Variants in APBA2 observed in about 807,000 individuals in gnomAD.
APBA2 encodes the protein amyloid-beta A4 precursor protein-binding family A member 2.
APBA2 carries 30 observed loss-of-function variants against 75.0 expected under a neutral mutation model. The ratio of observed to expected loss-of-function variants is 0.40; its 90% confidence interval spans 0.30 to 0.54. The LOEUF (loss-of-function observed/expected upper bound fraction) is 0.54. Ranked by LOEUF, APBA2 falls within the 20% of genes least tolerant of loss-of-function variation. APBA2 has a pLI of 0.49. For synonymous variants in APBA2, 444 were observed against 409.6 expected, an observed-to-expected ratio of 1.08 and a Z score of -1.01; for missense variants, 801 against 1,016.1, an observed-to-expected ratio of 0.79 and a Z score of 2.88.
At chr15:29,110,817 A>G (rs2044686999) in intron 13 of APBA2, among the ~76,000 whole-genome samples, 2 of 152,318 alleles carry the variant, frequency 1.3e-5, no homozygotes, top group Admixed American at 1.3e-4. Context: ...GCCCAGGTGC[A>G]GGGTTCTGTG....
chr15:28,978,100 T>A (rs2037436071), intron 2 of APBA2, among the ~76,000 whole-genome samples: 1 of 152,172 alleles, frequency 6.6e-6, no homozygotes, highest in East Asian at 1.9e-4. Context: ...GTGGCTCGGA[T>A]GGATTAGTTT....
chr15:29,116,533 CAGG>C (rs2045163426), intron 14 of APBA2, among the ~76,000 whole-genome samples: 1 of 151,178 alleles, frequency 6.6e-6, no homozygotes, highest in Admixed American at 6.6e-5. Context: ...GAGGCTGAGG[CAGG>C]AGAATGACAT....
chr15:28,943,775 C>G (rs2035375074), intron 2 of APBA2, among the ~76,000 whole-genome samples: 1 of 151,720 alleles, frequency 6.6e-6, no homozygotes, highest in African/African-American at 2.4e-5. Flanking sequence ...TCCTCCAGCC[C>G]TGGCCCCTCC....
chr15:29,106,595 A>T lies in APBA2; in HGVS notation c.1705-12A>T. On this transcript the variant is annotated splice_polypyrimidine_tract_variant and intron_variant, in intron 11 of 14. Transcript: ENST00000683413. ...GCCGCCAGCCCCTCTCACACTGCTG[A>T]TCCCTTTGCAGCTGCAGCTGGAGAA... 1 of 1,613,004 alleles carries T rather than the reference A, an allele frequency of 6.2e-7. No homozygotes were observed.
intron 3 of APBA2, among the ~76,000 whole-genome samples, chr15:29,003,274 A>G (rs7178120): frequency 0.27 from 40,442 of 151,996 alleles, 8,501 homozygotes; most frequent in African/African-American, 0.57. Context: ...TCATGGCATG[A>G]AGGTTGTCTT....
chr15:28,933,225 T>C (rs1193817410), intron 2 of APBA2, among the ~76,000 whole-genome samples: 1 of 151,922 alleles, frequency 6.6e-6, no homozygotes, highest in Non-Finnish European at 1.5e-5. Context: ...CACATGAACT[T>C]TGGGGGGGCA....
intron 2 of APBA2, among the ~76,000 whole-genome samples, chr15:28,940,434 G>T (rs979345549): frequency 2.7e-5 from 4 of 147,636 alleles, no homozygotes; most frequent in African/African-American, 1.0e-4. Flanking sequence ...TACTCCGAAG[G>T]CTGAGACAGG....
chr15:28,999,327 A>G (rs763001358), intron 3 of APBA2, among the ~76,000 whole-genome samples: 2 of 152,216 alleles, frequency 1.3e-5, no homozygotes, highest in Non-Finnish European at 2.9e-5. Context: ...ATAAATATTC[A>G]TGATGAATTT....
chr15:28,908,050 G>C (rs1027779391), intron 1 of APBA2, among the ~76,000 whole-genome samples: 2 of 152,204 alleles, frequency 1.3e-5, no homozygotes, highest in Non-Finnish European at 2.9e-5. Context: ...CCTCTGTGAA[G>C]TACCCCGTGA....
intron 2 of APBA2, among the ~76,000 whole-genome samples, chr15:28,980,751 G>A (rs984510700): frequency 1.3e-5 from 2 of 152,106 alleles, no homozygotes; most frequent in Admixed American, 1.3e-4. Flanking sequence ...TGAGCAAAAA[G>A]AAAAGCCAGA....
At chr15:29,079,699 G>A (rs1408681747) in intron 6 of APBA2, among the ~76,000 whole-genome samples, 1 of 152,168 alleles carries the variant, frequency 6.6e-6, no homozygotes, top group African/African-American at 2.4e-5. Flanking sequence ...GTGTAAGGGA[G>A]GAGCAGCTCC....
chr15:28,971,857 TA>T (rs1331943832), intron 2 of APBA2, among the ~76,000 whole-genome samples: 2 of 152,068 alleles, frequency 1.3e-5, no homozygotes, highest in African/African-American at 4.8e-5. Context: ...TAAATTAATA[TA>T]AACCCAAGCA....
chr15:28,990,752 A>T lies in APBA2; in HGVS notation c.-94-5001A>T, dbSNP rs552076124. ...GAATAAAAAGTGAGGACATGGGGGC[A>T]GAATGTTACTCATCACATGTGGCCC... On this transcript the variant is annotated intron_variant, in intron 2 of 14. Transcript: ENST00000683413. 6 of 152,358 alleles carry T rather than the reference A, an allele frequency of 3.9e-5. No individual in the cohort carries two copies. In the South Asian group the frequency reaches 1.2e-3, roughly 32 times the overall value. The allele number at this position is 152,358 out of a possible 1,614,324, so 9.4% of individuals were successfully genotyped here. A position where few individuals can be genotyped will look rare whatever the true frequency, so the allele number is the denominator to read the frequency against.
chr15:29,074,689 C>G (rs1257288050), intron 4 of APBA2, among the ~76,000 whole-genome samples: 2 of 152,020 alleles, frequency 1.3e-5, no homozygotes, highest in Non-Finnish European at 2.9e-5. Flanking sequence ...TTACTGCAAT[C>G]AAAAGATAAC....
Position 28,990,857 on chromosome 15 carries a change from C to G in APBA2, c.-94-4896C>G, listed in dbSNP as rs189678123. 2.2e-3 allele frequency: 333 copies of G among 152,308 alleles called. 1 individual carries two copies. The highest frequency in any genetic ancestry group is 7.7e-3 in the African/African-American group (322 of 41,566). 9.4% of individuals were successfully genotyped at this position (152,308 alleles called of 1,614,324 possible). A position where few individuals can be genotyped will look rare whatever the true frequency, so the allele number is the denominator to read the frequency against. The stretch of plus-strand genomic sequence containing the variant: ...CATGATAGCAATTTGTACATTATTA[C>G]TAAGTAATTTTAATGCCGTGTTTAC... On this transcript the variant is annotated intron_variant, in intron 2 of 14. Coordinates refer to ENST00000683413, the MANE Select transcript of APBA2 (RefSeq NM_001353788.2).
At chr15:29,009,819 G>A (rs542392479) in intron 3 of APBA2, among the ~76,000 whole-genome samples, 11 of 152,120 alleles carry the variant, frequency 7.2e-5, no homozygotes, top group Non-Finnish European at 1.3e-4. Context: ...TATGTTTGAT[G>A]GACATTTGCA....
intron 3 of APBA2, among the ~76,000 whole-genome samples, chr15:29,047,713 G>A (rs945777173): frequency 8.6e-5 from 13 of 152,030 alleles, no homozygotes; most frequent in Non-Finnish European, 8.8e-5. Context: ...ACCACATGCC[G>A]GAAAGGGGAA....
intron 2 of APBA2, among the ~76,000 whole-genome samples, chr15:28,947,083 C>G (rs1483728964): frequency 6.6e-6 from 1 of 152,206 alleles, no homozygotes; most frequent in East Asian, 1.9e-4. Context: ...GTCATCGTCC[C>G]TCTTTTCCTG....
intron 3 of APBA2, among the ~76,000 whole-genome samples, chr15:29,006,381 G>A (rs529307527): frequency 8.5e-4 from 129 of 152,228 alleles, no homozygotes; most frequent in African/African-American, 2.6e-3. Flanking sequence ...GAAAACTACC[G>A]AACATTGCTG....
Sources: allele counts gnomAD v4.1 joint callset (sites outside exome capture counted in the v4.1 genomes callset), GRCh38; gene constraint gnomAD v4.1.1; transcripts MANE v1.5; gene names NCBI Gene and HGNC (gene_info 2026-07-23, HGNC 2026-07-21).